SLCO6A1: variants seen among roughly 807,000 people sequenced by gnomAD.
SLCO6A1 encodes cancer/testis antigen 48.
Under a neutral mutation model 72.7 loss-of-function variants are expected in SLCO6A1, and 65 were observed. The ratio of observed to expected loss-of-function variants is 0.89; its 90% CI spans 0.73 to 1.10. The LOEUF is 1.10. Ranked by LOEUF, SLCO6A1 falls within the 50% of genes least tolerant of loss-of-function variation. The probability of loss-of-function intolerance (pLI) is 0.00; values close to 1 mark genes in which losing one functional copy is unlikely to be tolerated. For missense variants in SLCO6A1, 874 were observed against 872.6 expected, an observed-to-expected ratio of 1.00 and a Z score of -0.02; for synonymous variants, 314 against 298.2, an observed-to-expected ratio of 1.05 and a Z score of -0.55.
At chr5:102,453,035 T>C (rs1327711834) in intron 6 of SLCO6A1, among the ~76,000 whole-genome samples, 1 of 152,158 alleles carries the variant, frequency 6.6e-6, no homozygotes. Context: ...AGTTTTATTA[T>C]TTTCCAGTCA....
At chr5:102,387,638 G>A (rs903708016) in intron 12 of SLCO6A1, among the ~76,000 whole-genome samples, 2 of 152,072 alleles carry the variant, frequency 1.3e-5, no homozygotes, top group Non-Finnish European at 2.9e-5. Flanking sequence ...AGAAGGCATT[G>A]CTCTATACTT....
intron 11 of SLCO6A1, among the ~76,000 whole-genome samples, chr5:102,389,691 CT>C (rs1746640910): frequency 6.6e-6 from 1 of 151,864 alleles, no homozygotes; most frequent in Non-Finnish European, 1.5e-5. Context: ...TTTTTACCAT[CT>C]TTTTTCAATC....
intron 4 of SLCO6A1, 49 bp downstream of exon 4, chr5:102,475,648 G>T: frequency 8.3e-7 from 1 of 1,208,018 alleles, no homozygotes; most frequent in Non-Finnish European, 1.2e-6. Context: ...TAGCTATTTA[G>T]TAAGTATTTT....
chr5:102,494,657 G>C (rs1352003546), intron 1 of SLCO6A1, among the ~76,000 whole-genome samples: 8 of 152,280 alleles, frequency 5.3e-5, no homozygotes, highest in African/African-American at 1.9e-4. Context: ...AGATGTTTGA[G>C]ACAATTGGTC....
chr5:102,458,481 C>G lies in SLCO6A1; in HGVS notation c.1032G>C (p.Arg344=). Residue 344 remains arginine (R), a synonymous_variant, in exon 6 of 14, where the codon CGG becomes CGC. Coordinates refer to ENST00000506729, the MANE Select transcript of SLCO6A1 (RefSeq NM_173488.5). ...CFPNNMPGST[R]IKARKRKQLH... is the part of the protein sequence containing the mutation. ...GCTGTTTACGTTTCCTAGCTTTTAT[C>G]CGTGTTGAACCTATATATAAACAAG... 3 of 1,609,788 alleles carry G rather than the reference C, an allele frequency of 1.9e-6. No homozygotes were observed. The highest frequency in any genetic ancestry group is 2.5e-6 in the Non-Finnish European group (3 of 1,178,044).
chr5:102,422,750 A>G (rs1748677739), intron 7 of SLCO6A1, among the ~76,000 whole-genome samples: 2 of 152,164 alleles, frequency 1.3e-5, no homozygotes, highest in Admixed American at 1.3e-4. Flanking sequence ...ACAGGCCAAC[A>G]TTCAAATTCA....
At chr5:102,476,458 T>C (rs7356647) in intron 3 of SLCO6A1, among the ~76,000 whole-genome samples, 98,320 of 151,868 alleles carry the variant, frequency 0.65, 32,031 homozygotes, top group African/African-American at 0.67. Flanking sequence ...TGAATGAGGC[T>C]CATCCACATT....
At chr5:102,417,531 T>C (rs558015378) in intron 8 of SLCO6A1, among the ~76,000 whole-genome samples, 9 of 152,146 alleles carry the variant, frequency 5.9e-5, no homozygotes, top group Middle Eastern at 3.2e-3. Flanking sequence ...TCAAGATTTA[T>C]AGTATACATT....
chr5:102,474,046 C>G lies in SLCO6A1; in HGVS notation c.899+1651G>C, dbSNP rs187189842. ...AATACAGATTTAATGCAATCCCTAT[C>G]AAAATTCCAATGGCGTTTTTTACAA... is the stretch of plus-strand genomic sequence containing the variant. On this transcript the variant is annotated intron_variant, in intron 4 of 13. Coordinates refer to ENST00000506729, the MANE Select transcript of SLCO6A1 (RefSeq NM_173488.5). 5.1e-4 allele frequency among the ~76,000 whole-genome samples: 78 copies of G among 151,826 alleles called. No individual in the cohort carries two copies. In the East Asian group the frequency reaches 0.014, roughly 27 times the overall value.
chr5:102,461,717 G>C (rs1751048427), intron 4 of SLCO6A1, among the ~76,000 whole-genome samples: 1 of 151,922 alleles, frequency 6.6e-6, no homozygotes, highest in South Asian at 2.1e-4. Context: ...TCCTGTTGAA[G>C]GAAAAAGAGA....
chr5:102,374,342 T>A (rs1270581242), intron 12 of SLCO6A1, among the ~76,000 whole-genome samples: 1 of 152,136 alleles, frequency 6.6e-6, no homozygotes, highest in African/African-American at 2.4e-5. Context: ...GACCTCCCTT[T>A]ATTGCTCAGG....
intron 12 of SLCO6A1, among the ~76,000 whole-genome samples, chr5:102,374,132 G>A (rs537185004): frequency 7.9e-5 from 12 of 151,410 alleles, no homozygotes; most frequent in African/African-American, 1.9e-4. Context: ...TGACCTTCCC[G>A]GCTCAAGCGA....
chr5:102,490,004 G>GC (rs898213110), intron 1 of SLCO6A1, among the ~76,000 whole-genome samples: 3 of 152,178 alleles, frequency 2.0e-5, no homozygotes, highest in Non-Finnish European at 4.4e-5. Context: ...GACAAGTACT[G>GC]CATGTTCTCA....
chr5:102,460,501 C>T (rs1483439252), intron 4 of SLCO6A1, among the ~76,000 whole-genome samples: 1 of 152,206 alleles, frequency 6.6e-6, no homozygotes, highest in East Asian at 1.9e-4. Flanking sequence ...ACTTTGTCTT[C>T]AGTTAATGCT....
intron 7 of SLCO6A1, among the ~76,000 whole-genome samples, chr5:102,421,223 GT>G (rs140726505): frequency 1.9e-4 from 28 of 148,306 alleles, no homozygotes; most frequent in South Asian, 4.3e-4. Context: ...AGCTGCAGGA[GT>G]TTTTTTTTTT....
rs1213480734 is a variant in SLCO6A1, at chr5:102,498,769, G to C, written c.76C>G (p.Arg26Gly). 2 of 1,614,066 alleles carry C rather than the reference G, an allele frequency of 1.2e-6. No homozygotes were observed. The highest frequency in any genetic ancestry group is 1.7e-6 in the Non-Finnish European group (2 of 1,180,012). ...CTCCTGTCCTTAGCAGGCTGGGCCC[G>C]CGCGGCCTCCAGCGGCTCTACTCCC... The part of the protein sequence containing the change: ...SRGVEPLEAA[R>G]AQPAKDRRAK... The change falls in exon 1 of 14, where the codon CGG (arginine) becomes GGG (glycine). Residue 26 changes from arginine (R) to glycine (G), a missense_variant. Arg to Gly is a moderately radical substitution (Grantham distance 125). Transcript: ENST00000506729.
In SLCO6A1 at chr5:102,475,730, A is replaced by T; in HGVS notation, c.866T>A (p.Val289Asp). The change falls in exon 4 of 14, where the codon GTT becomes GAT. Residue 289 changes from valine (V) to aspartate (D), a missense_variant. Val to Asp is a radical substitution (Grantham distance 152, BLOSUM62 -3). Coordinates refer to ENST00000506729, the MANE Select transcript of SLCO6A1 (RefSeq NM_173488.5). Reference protein sequence around the residue: ...ALGYVLGAPLVKVPENTTSAT... With the variant: ...ALGYVLGAPLDKVPENTTSAT... ...AGAAGTAGTATTCTCAGGGACTTTA[A>T]CTAGTGGTGCTCCTAGCACATAACC... 6.2e-7 allele frequency: 1 copy of T among 1,606,754 alleles called. No homozygotes were observed. Among genetic ancestry groups the T allele is most frequent in the Non-Finnish European group, 8.5e-7 (1 of 1,176,278 alleles).
At chr5:102,390,291 T>G (rs559603045) in intron 11 of SLCO6A1, among the ~76,000 whole-genome samples, 1 of 152,152 alleles carries the variant, frequency 6.6e-6, no homozygotes, top group South Asian at 2.1e-4. Flanking sequence ...AGTGAATCAT[T>G]GTCCAAAACA....
chr5:102,459,877 G>A (rs543575161), intron 4 of SLCO6A1, 100 bp from the exon 5 acceptor site: 319 of 1,006,418 alleles, frequency 3.2e-4, no homozygotes, highest in Non-Finnish European at 4.2e-4. Context: ...GAGAGAGGGA[G>A]GGTTGGAGAG....
Sources: gnomAD v4.1 joint callset for allele counts (sites outside exome capture counted in the v4.1 genomes callset) on GRCh38, gnomAD v4.1.1 for gene constraint, MANE v1.5 for transcripts, NCBI Gene and HGNC (gene_info 2026-07-23, HGNC 2026-07-21) for gene names.